Variants in SPINK13 observed in about 807,000 individuals in gnomAD.
SPINK13 encodes serine peptidase inhibitor Kazal type 13.
SPINK13 carries 11 observed loss-of-function variants against 11.0 expected under a neutral mutation model. The ratio of observed to expected loss-of-function variants is 1.00; its 90% CI spans 0.63 to 1.65. The LOEUF (loss-of-function observed/expected upper bound fraction) is 1.65, where lower values mean the gene tolerates loss of function less well. SPINK13 is among the 40% of genes most tolerant of loss of function. The pLI is 0.00. For synonymous variants in SPINK13, 31 were observed against 35.6 expected (o/e 0.87, Z 0.46); for missense variants, 113 against 117.7 (o/e 0.96, Z 0.19).
chr5:148,282,214 C>G lies in SPINK13; in HGVS notation c.219C>G (p.Phe73Leu), dbSNP rs1295161948. 1 of 1,614,142 alleles carries G rather than the reference C, an allele frequency of 6.2e-7. No homozygotes were observed. Among genetic ancestry groups the G allele is most frequent in the East Asian group, 2.2e-5 (1 of 44,876 alleles). The change falls in exon 4 of 5, where the codon TTC (phenylalanine) becomes TTG (leucine). Residue 73 changes from phenylalanine (F) to leucine (L), a missense_variant. Phe to Leu is a conservative substitution (Grantham distance 22, BLOSUM62 0). Coordinates refer to ENST00000398450, the MANE Select transcript of SPINK13 (RefSeq NM_001040129.3). ...SNGHTFQNECFFCVEQREFHY... is the reference protein window; with the variant it reads ...SNGHTFQNECLFCVEQREFHY... The stretch of plus-strand genomic sequence containing the variant: ...GCCACACTTTCCAGAATGAGTGTTT[C>G]TTTTGTGTTGAACAGAGGTAAGTTC...
At chr5:148,278,940 G>C (rs999299878) in intron 3 of SPINK13, among the ~76,000 whole-genome samples, 5 of 151,964 alleles carry the variant, frequency 3.3e-5, no homozygotes, top group Non-Finnish European at 7.4e-5. Context: ...TATGAATCTG[G>C]GTGCTCCTGT....
intron 4 of SPINK13, among the ~76,000 whole-genome samples, chr5:148,285,300 C>T (rs1756573984): frequency 6.6e-6 from 1 of 152,040 alleles, no homozygotes; most frequent in African/African-American, 2.4e-5. Context: ...AGATATATAT[C>T]AAAGGTGAAC....
rs77331127 is a variant in SPINK13 at position 148,284,345 on chromosome 5, C to T, written c.237-1655C>T. 2.8e-3 allele frequency among the ~76,000 whole-genome samples: 429 copies of T among 152,142 alleles called. 17 individuals carry two copies. In the East Asian group the frequency reaches 0.075, roughly 27 times the overall value. ...TCCCTCTCTCCCTCTTTCCTTCTTT[C>T]CTTCCTTTCTACCTTGTAACTCTGA... On this transcript the variant is annotated intron_variant, in intron 4 of 4. Transcript: ENST00000398450.
At chr5:148,276,065 T>A (rs1482431955) in intron 3 of SPINK13, among the ~76,000 whole-genome samples, 1 of 152,250 alleles carries the variant, frequency 6.6e-6, no homozygotes, top group Non-Finnish European at 1.5e-5. Context: ...TGAGCGTTTT[T>A]TCATATGTTT....
intron 4 of SPINK13, 81 bp from the exon 5 acceptor site, chr5:148,285,919 T>C: frequency 1.2e-6 from 1 of 809,276 alleles, no homozygotes; most frequent in Non-Finnish European, 1.9e-6. Flanking sequence ...GGACCTCTTT[T>C]AGAAGATAAG....
intron 2 of SPINK13, among the ~76,000 whole-genome samples, chr5:148,273,293 T>TA (rs143646300): frequency 0.077 from 11,662 of 150,984 alleles, 1,459 homozygotes; most frequent in African/African-American, 0.27. Context: ...CATTTTTAAG[T>TA]AAAAAAAAAT....
chr5:148,282,455 A>G (rs1202105611), intron 4 of SPINK13, among the ~76,000 whole-genome samples: 1 of 152,222 alleles, frequency 6.6e-6, no homozygotes, highest in Admixed American at 6.5e-5. Flanking sequence ...AAAGGCTTAC[A>G]TAATGTTCTG....
intron 2 of SPINK13, 73 bp downstream of exon 2, chr5:148,270,215 T>G: frequency 6.6e-7 from 1 of 1,506,734 alleles, no homozygotes; most frequent in East Asian, 2.3e-5. Context: ...ACGAGTAATT[T>G]TTTACTTTTA....
At chr5:148,277,846 T>C (rs1281475643) in intron 3 of SPINK13, among the ~76,000 whole-genome samples, 1 of 152,196 alleles carries the variant, frequency 6.6e-6, no homozygotes, top group Non-Finnish European at 1.5e-5. Context: ...TCAGAAGGAA[T>C]GGTACCAGCT....
At chr5:148,278,770 A>G (rs1756469799) in intron 3 of SPINK13, among the ~76,000 whole-genome samples, 1 of 152,220 alleles carries the variant, frequency 6.6e-6, no homozygotes, top group South Asian at 2.1e-4. Context: ...AAAGTTCTGT[A>G]GATGTCTATT....
chr5:148,280,518 A>C (rs1581167690), intron 3 of SPINK13, among the ~76,000 whole-genome samples: 1 of 152,038 alleles, frequency 6.6e-6, no homozygotes, highest in East Asian at 1.9e-4. Context: ...TTCGTTTGTT[A>C]GTTTGCCTTC....
chr5:148,275,684 G>A (rs547450135), intron 3 of SPINK13, among the ~76,000 whole-genome samples: 14 of 146,806 alleles, frequency 9.5e-5, no homozygotes, highest in East Asian at 6.0e-4. Context: ...TTTTTTTGAC[G>A]GAGTCTCACT....
chr5:148,282,986 G>A (rs1756539899), intron 4 of SPINK13, among the ~76,000 whole-genome samples: 1 of 152,054 alleles, frequency 6.6e-6, no homozygotes, highest in African/African-American at 2.4e-5. Flanking sequence ...TTATATTCAT[G>A]GTAACAGTTT....
chr5:148,279,374 T>G (rs965364985), intron 3 of SPINK13, among the ~76,000 whole-genome samples: 7 of 152,120 alleles, frequency 4.6e-5, no homozygotes, highest in Admixed American at 3.9e-4. Context: ...TTCATAGTGT[T>G]GATGGTCTTT....
intron 4 of SPINK13, among the ~76,000 whole-genome samples, chr5:148,283,763 A>G (rs1756551513): frequency 6.6e-6 from 1 of 152,144 alleles, no homozygotes; most frequent in Non-Finnish European, 1.5e-5. Context: ...AGAGACTTGG[A>G]AATGTCTTTG....
chr5:148,279,832 G>T (rs1581167358), intron 3 of SPINK13, among the ~76,000 whole-genome samples: 1 of 152,272 alleles, frequency 6.6e-6, no homozygotes, highest in African/African-American at 2.4e-5. Flanking sequence ...GGCCTGTCTT[G>T]CTAGGTTGGG....
intron 3 of SPINK13, among the ~76,000 whole-genome samples, chr5:148,278,927 C>T (rs532286960): frequency 3.1e-4 from 47 of 152,122 alleles, no homozygotes; most frequent in African/African-American, 1.0e-3. Flanking sequence ...TAAGAACTTG[C>T]TTTATGAATC....
intron 4 of SPINK13, among the ~76,000 whole-genome samples, chr5:148,285,589 G>T (rs1412747326): frequency 6.6e-6 from 1 of 152,094 alleles, no homozygotes; most frequent in Non-Finnish European, 1.5e-5. Flanking sequence ...CAAGTAAGGG[G>T]AATAGACTAC....
rs560365535 is a variant in SPINK13, at chr5:148,274,143, A to G, written c.71-204A>G. On this transcript the variant is annotated intron_variant, in intron 2 of 4. Coordinates refer to ENST00000398450, the MANE Select transcript of SPINK13 (RefSeq NM_001040129.3). ...CCTCACTGATACAGCAAATTTATAA[A>G]TAAAATCAATACTGTGAAAAAGAAA... Among the ~76,000 whole-genome samples the G allele has an allele frequency of 4.6e-5, 7 of 152,352 alleles. No homozygotes were observed. The South Asian group carries it at 1.4e-3, about 32-fold the overall frequency.
Sources: allele counts gnomAD v4.1 joint callset (sites outside exome capture counted in the v4.1 genomes callset), GRCh38; gene constraint gnomAD v4.1.1; transcripts MANE v1.5; gene names NCBI Gene and HGNC (gene_info 2026-07-23, HGNC 2026-07-21).